ROBO2: variants seen among roughly 807,000 people sequenced by gnomAD.
ROBO2 encodes the protein roundabout guidance receptor 2, also known as roundabout homolog 2.
In ROBO2, 53 loss-of-function variants were observed where a neutral mutation model predicts 160.8. That is an observed-to-expected ratio of 0.33 (90% confidence interval 0.26 to 0.41). The LOEUF is 0.41. ROBO2 is among the 10% of genes least tolerant of loss of function. ROBO2 has a pLI of 1.00. For synonymous variants in ROBO2, 664 were observed against 611.7 expected, an observed-to-expected ratio of 1.09 and a Z score of -1.26; for missense variants, 1,577 against 1,722.4, an observed-to-expected ratio of 0.92 and a Z score of 1.49.
chr3:76,612,823 T>C (rs1455804943), intron 2 of ROBO2, among the ~76,000 whole-genome samples: 1 of 152,254 alleles, frequency 6.6e-6, no homozygotes, highest in Non-Finnish European at 1.5e-5. Flanking sequence ...TTTATGATTA[T>C]ATAACGATCT....
intron 2 of ROBO2, among the ~76,000 whole-genome samples, chr3:77,103,306 A>G (rs1037626039): frequency 1.2e-4 from 18 of 152,184 alleles, no homozygotes; most frequent in African/African-American, 4.1e-4. Flanking sequence ...TCCTTTTCTC[A>G]GCACTGTGCC....
At chr3:76,980,828 C>T (rs2060060795) in intron 2 of ROBO2, among the ~76,000 whole-genome samples, 1 of 152,056 alleles carries the variant, frequency 6.6e-6, no homozygotes, top group Admixed American at 6.5e-5. Context: ...CCCTTCACCT[C>T]CATCCCTAAT....
rs372485207 is a variant in ROBO2 at position 76,663,219 on chromosome 3, A to T, written c.110-434795A>T. ...AGTTTTTCTCTTGGGAAACCGACTG[A>T]GTATTGGTACCATCAACAGACAAGA... On this transcript the variant is annotated intron_variant, in intron 2 of 26. Coordinates refer to the ROBO2 transcript ENST00000487694. Among the ~76,000 whole-genome samples, 98 of 152,328 alleles carry T rather than the reference A, an allele frequency of 6.4e-4. No homozygotes were observed. In the South Asian group the frequency reaches 9.1e-3, roughly 14 times the overall value.
At chr3:76,191,288 G>T (rs535931130) in intron 2 of ROBO2, among the ~76,000 whole-genome samples, 10 of 152,158 alleles carry the variant, frequency 6.6e-5, no homozygotes, top group Admixed American at 4.6e-4. Context: ...CTCTTCATAC[G>T]TGAAACTCCC....
rs796876323 is a variant in ROBO2 at position 77,604,278 on chromosome 3, TAA to T, written c.3136+1788_3136+1789del. Among the ~76,000 whole-genome samples the T allele has an allele frequency of 5.9e-5, 9 of 152,198 alleles. No homozygotes were observed. In the East Asian group the frequency reaches 1.2e-3, roughly 20 times the overall value. ...CATTTAGACTGCCATTTATTTATAA[TAA>T]GTCTCACAATTGTTCTGAATAATTA... On this transcript the variant is annotated intron_variant, in intron 20 of 25. Transcript: ENST00000461745.
chr3:77,153,253 A>C (rs554197310), intron 2 of ROBO2, among the ~76,000 whole-genome samples: 3 of 152,220 alleles, frequency 2.0e-5, no homozygotes, highest in African/African-American at 7.2e-5. Flanking sequence ...TGTTTTGGTT[A>C]TGAATTCAAT....
rs533174940 is a variant in ROBO2, at chr3:76,426,657, T to A, written c.109+489055T>A. ...GGGAAGTGGGCTTAGATGAAAGGGG[T>A]GATTTTTATTGATTTTTTGTGCTTT... On this transcript the variant is annotated intron_variant, in intron 2 of 26. Transcript: ENST00000487694. 1.6e-3 allele frequency among the ~76,000 whole-genome samples: 236 copies of A among 151,930 alleles called. No homozygotes were observed. The Middle Eastern group carries it at 0.017, about 11-fold the overall frequency.
chr3:76,561,645 AC>A (rs139700698), intron 2 of ROBO2, among the ~76,000 whole-genome samples: 166 of 152,332 alleles, frequency 1.1e-3, no homozygotes, highest in Non-Finnish European at 1.9e-3. Context: ...CACAGGAAGT[AC>A]TTAGCTCAGA....
In ROBO2 at chr3:77,269,343, C is replaced by T. The variant is rs1372843258; in HGVS notation, c.388+171003C>T. 2.0e-5 allele frequency among the ~76,000 whole-genome samples: 3 copies of T among 152,130 alleles called. No individual in the cohort carries two copies. In the East Asian group the frequency reaches 5.8e-4, roughly 29 times the overall value. On this transcript the variant is annotated intron_variant, in intron 2 of 25. Coordinates refer to ENST00000461745, the Ensembl canonical transcript of ROBO2. The stretch of plus-strand genomic sequence containing the variant: ...CTAAACCCAGTAGACCTAACACATA[C>T]AATGCAGGCAGAAAGGAAATCAGCA...
intron 2 of ROBO2, among the ~76,000 whole-genome samples, chr3:76,469,499 G>A (rs756743862): frequency 6.6e-6 from 1 of 152,004 alleles, no homozygotes; most frequent in African/African-American, 2.4e-5. Flanking sequence ...GGCTGGCAAG[G>A]CTTGTAAGAT....
intron 2 of ROBO2, among the ~76,000 whole-genome samples, chr3:76,269,044 G>A (rs1253753059): frequency 6.6e-6 from 1 of 151,758 alleles, no homozygotes; most frequent in African/African-American, 2.4e-5. Flanking sequence ...AGGTGGGGAT[G>A]GTTAATGGGC....
At chr3:76,123,906 T>C (rs1381090384) in intron 2 of ROBO2, among the ~76,000 whole-genome samples, 2 of 152,108 alleles carry the variant, frequency 1.3e-5, no homozygotes, top group Non-Finnish European at 2.9e-5. Flanking sequence ...CCTTTTTCTT[T>C]CTTGCTTTTT....
chr3:76,051,119 GC>G (rs2067640707), intron 2 of ROBO2, among the ~76,000 whole-genome samples: 2 of 151,508 alleles, frequency 1.3e-5, no homozygotes, highest in African/African-American at 4.9e-5. Flanking sequence ...TATATATATT[GC>G]CATATTGCCT....
chr3:77,632,385 G>T, intron 23 of ROBO2: 3 of 916,152 alleles, frequency 3.3e-6, no homozygotes, highest in Non-Finnish European at 3.0e-6. Flanking sequence ...AAGAAGCATG[G>T]ACAACTTACT....
chr3:77,567,178 A>G (rs1417104147), intron 12 of ROBO2, among the ~76,000 whole-genome samples: 1 of 152,024 alleles, frequency 6.6e-6, no homozygotes, highest in African/African-American at 2.4e-5. Context: ...CAATTTAAGT[A>G]ATAGCTGAGA....
intron 2 of ROBO2, among the ~76,000 whole-genome samples, chr3:76,947,592 C>A (rs1314405021): frequency 2.0e-5 from 3 of 152,044 alleles, no homozygotes; most frequent in African/African-American, 7.2e-5. Flanking sequence ...TTCCTGCAAT[C>A]GATGACATGT....
chr3:76,459,347 A>G (rs1472310788), intron 2 of ROBO2, among the ~76,000 whole-genome samples: 3 of 152,222 alleles, frequency 2.0e-5, no homozygotes, highest in Non-Finnish European at 4.4e-5. Flanking sequence ...TCAACGGTGT[A>G]ACATTCATTA....
Position 76,446,063 on chromosome 3 carries a change from T to G in ROBO2, c.109+508461T>G, listed in dbSNP as rs1402045141. Among the ~76,000 whole-genome samples the G allele has an allele frequency of 2.6e-5, 4 of 152,150 alleles. No individual in the cohort carries two copies. The East Asian group carries it at 7.8e-4, about 30-fold the overall frequency. On this transcript the variant is annotated intron_variant, in intron 2 of 26. Coordinates refer to the ROBO2 transcript ENST00000487694. Reference sequence around the variant, plus strand: ...AGGGCAATCAGGCAGGAGAAAGAAATAAATGGTATTCAATTAGGAAAAGAG... The same window carrying G: ...AGGGCAATCAGGCAGGAGAAAGAAAGAAATGGTATTCAATTAGGAAAAGAG...
intron 2 of ROBO2, among the ~76,000 whole-genome samples, chr3:76,589,453 C>T (rs1000989039): frequency 1.1e-4 from 17 of 152,210 alleles, no homozygotes; most frequent in Admixed American, 1.1e-3. Flanking sequence ...GGCGCCGCCA[C>T]CACGCCCGGC....
Sources: gnomAD v4.1 joint callset for allele counts (sites outside exome capture counted in the v4.1 genomes callset) on GRCh38, gnomAD v4.1.1 for gene constraint, MANE v1.5 for transcripts, NCBI Gene and HGNC (gene_info 2026-07-23, HGNC 2026-07-21) for gene names.